Variants in CNTNAP2 observed in about 807,000 individuals in gnomAD.
CNTNAP2 encodes the protein contactin-associated protein-like 2.
CNTNAP2 carries 98 observed loss-of-function variants against 155.2 expected under a neutral mutation model. That is an observed-to-expected ratio of 0.63 (90% confidence interval 0.54 to 0.75). The LOEUF is 0.75. CNTNAP2 is among the 30% of genes least tolerant of loss of function. The pLI is 0.00. For missense variants in CNTNAP2, 1,727 were observed against 1,688.1 expected, an observed-to-expected ratio of 1.02 and a Z score of -0.40; for synonymous variants, 651 against 631.2, an observed-to-expected ratio of 1.03 and a Z score of -0.47.
chr7:146,647,611 G>C (rs976889094), intron 1 of CNTNAP2, among the ~76,000 whole-genome samples: 1 of 152,008 alleles, frequency 6.6e-6, no homozygotes, highest in African/African-American at 2.4e-5. Flanking sequence ...GAAATCACTG[G>C]GAAGCAACAA....
intron 13 of CNTNAP2, among the ~76,000 whole-genome samples, chr7:147,650,309 G>A (rs142351663): frequency 1.4e-3 from 210 of 152,230 alleles, no homozygotes; most frequent in African/African-American, 4.7e-3. Flanking sequence ...CATTTATTGA[G>A]TATAAAATAT....
intron 1 of CNTNAP2, among the ~76,000 whole-genome samples, chr7:146,724,499 G>T (rs1029749195): frequency 7.0e-6 from 1 of 143,534 alleles, no homozygotes; most frequent in African/African-American, 2.6e-5. Flanking sequence ...TAATCACTTT[G>T]TAAGATTCCA....
intron 11 of CNTNAP2, among the ~76,000 whole-genome samples, chr7:147,488,278 G>C (rs137894780): frequency 6.6e-6 from 1 of 152,170 alleles, no homozygotes; most frequent in Non-Finnish European, 1.5e-5. Flanking sequence ...AACGAAGTGC[G>C]AAGGCCCCAG....
At chr7:146,122,856 C>T (rs2116721406) in intron 1 of CNTNAP2, among the ~76,000 whole-genome samples, 1 of 152,320 alleles carries the variant, frequency 6.6e-6, no homozygotes, top group East Asian at 1.9e-4. Flanking sequence ...CTTTAGTTGG[C>T]TGTTACATCA....
chr7:146,644,058 T>G (rs1446207292), intron 1 of CNTNAP2, among the ~76,000 whole-genome samples: 2 of 152,202 alleles, frequency 1.3e-5, no homozygotes, highest in Admixed American at 1.3e-4. Context: ...AAGGAGATTT[T>G]GGGCTGAAAC....
chr7:146,816,590 G>T (rs1435826062), intron 2 of CNTNAP2, among the ~76,000 whole-genome samples: 1 of 152,196 alleles, frequency 6.6e-6, no homozygotes, highest in Admixed American at 6.5e-5. Context: ...TACCACTAAA[G>T]ATGTTAACCT....
intron 1 of CNTNAP2, among the ~76,000 whole-genome samples, chr7:146,415,069 G>T (rs1795919075): frequency 6.6e-6 from 1 of 152,168 alleles, no homozygotes; most frequent in Non-Finnish European, 1.5e-5. Flanking sequence ...AGTTTTGTGT[G>T]CCTAGTGAAG....
intron 1 of CNTNAP2, among the ~76,000 whole-genome samples, chr7:146,325,235 A>C (rs1489729295): frequency 6.6e-6 from 1 of 152,150 alleles, no homozygotes; most frequent in Admixed American, 6.5e-5. Context: ...TTATATTTGC[A>C]AAACATCAAA....
chr7:147,051,175 C>CATATATATGTATATATATAT (rs1799465571), intron 4 of CNTNAP2, among the ~76,000 whole-genome samples: 1 of 126,038 alleles, frequency 7.9e-6, no homozygotes, highest in Non-Finnish European at 1.5e-5. Flanking sequence ...ATTATATATA[C>CATATATATGTATATATATAT]ATATATATGT....
chr7:146,554,599 G>A (rs1273365218), intron 1 of CNTNAP2, among the ~76,000 whole-genome samples: 1 of 152,142 alleles, frequency 6.6e-6, no homozygotes, highest in Non-Finnish European at 1.5e-5. Flanking sequence ...GATGAAGGAT[G>A]GTATAATGTT....
chr7:146,402,850 G>T (rs1795733260), intron 1 of CNTNAP2, among the ~76,000 whole-genome samples: 1 of 152,024 alleles, frequency 6.6e-6, no homozygotes, highest in East Asian at 1.9e-4. Context: ...TTGAATTTTT[G>T]ACTTTGAATA....
chr7:147,693,699 T>G (rs992287721), intron 13 of CNTNAP2, among the ~76,000 whole-genome samples: 1 of 152,174 alleles, frequency 6.6e-6, no homozygotes, highest in African/African-American at 2.4e-5. Flanking sequence ...GCAACCTTAC[T>G]ACAATTTCTT....
In CNTNAP2 at chr7:146,799,940, A is replaced by G. The variant is rs1400851244; in HGVS notation, c.208+25559A>G. ...TCATAATTGCTATGAAAGATTGGTT[A>G]TGGGACTCAACAAAATCTGTTAAAT... On this transcript the variant is annotated intron_variant, in intron 2 of 23. Coordinates refer to ENST00000361727, the MANE Select transcript of CNTNAP2 (RefSeq NM_014141.6). 5.3e-5 allele frequency among the ~76,000 whole-genome samples: 8 copies of G among 151,994 alleles called. No homozygotes were observed. In the East Asian group the frequency reaches 1.5e-3, roughly 29 times the overall value.
At chr7:147,620,644 C>T (rs916039178) in intron 12 of CNTNAP2, among the ~76,000 whole-genome samples, 2 of 151,554 alleles carry the variant, frequency 1.3e-5, no homozygotes, top group African/African-American at 4.8e-5. Flanking sequence ...AGAGATCAAA[C>T]AGAAGAATTA....
intron 1 of CNTNAP2, among the ~76,000 whole-genome samples, chr7:146,746,553 T>A (rs2129181802): frequency 1.3e-5 from 2 of 152,232 alleles, no homozygotes; most frequent in Middle Eastern, 6.8e-3. Context: ...CATCAAAAAT[T>A]GGAAAATATG....
At chr7:146,324,525 A>G (rs910060719) in intron 1 of CNTNAP2, among the ~76,000 whole-genome samples, 8 of 152,172 alleles carry the variant, frequency 5.3e-5, no homozygotes, top group African/African-American at 1.9e-4. Flanking sequence ...ACGTAGTAGA[A>G]ATACTTAGAT....
chr7:148,139,578 C>T (rs1805019369), intron 16 of CNTNAP2, among the ~76,000 whole-genome samples: 1 of 152,080 alleles, frequency 6.6e-6, no homozygotes, highest in Non-Finnish European at 1.5e-5. Context: ...GTCTGGAGTG[C>T]AGTGGCGTGA....
At chr7:148,148,778 G>A (rs528069726) in intron 17 of CNTNAP2, among the ~76,000 whole-genome samples, 4 of 152,262 alleles carry the variant, frequency 2.6e-5, no homozygotes, top group South Asian at 4.1e-4. Context: ...GTGTGATGTC[G>A]GCCAACTACA....
At chr7:148,096,729 G>A (rs1237609906) in intron 15 of CNTNAP2, among the ~76,000 whole-genome samples, 1 of 152,012 alleles carries the variant, frequency 6.6e-6, no homozygotes, top group African/African-American at 2.4e-5. Context: ...ATTTATACAA[G>A]AGCCTGGTCT....
Sources: gnomAD v4.1 joint callset for allele counts (sites outside exome capture counted in the v4.1 genomes callset) on GRCh38, gnomAD v4.1.1 for gene constraint, MANE v1.5 for transcripts, NCBI Gene and HGNC (gene_info 2026-07-23, HGNC 2026-07-21) for gene names.